MCTP2: variants seen among roughly 807,000 people sequenced by gnomAD.
The protein encoded by MCTP2 is multiple C2 and transmembrane domain containing 2.
Under a neutral mutation model 111.6 loss-of-function variants are expected in MCTP2, and 132 were observed. That is an observed-to-expected ratio of 1.18 (90% CI 1.03 to 1.37). The LOEUF (loss-of-function observed/expected upper bound fraction) is 1.37, where lower values mean the gene tolerates loss of function less well. Ranked by LOEUF, MCTP2 falls within the 40% of genes most tolerant of loss-of-function variation. The probability of loss-of-function intolerance (pLI) is 0.00; values close to 1 mark genes in which losing one functional copy is unlikely to be tolerated. For missense variants in MCTP2, 1,183 were observed against 1,067.9 expected (o/e 1.11, Z -1.50); for synonymous variants, 395 against 387.7 (o/e 1.02, Z -0.22).
intron 1 of MCTP2, among the ~76,000 whole-genome samples, chr15:94,293,149 A>C (rs528719309): frequency 1.8e-4 from 27 of 152,276 alleles, no homozygotes; most frequent in Admixed American, 1.4e-3. Flanking sequence ...GGGATTAGAC[A>C]AGGAGTTCTT....
At position 94,410,371 on chromosome 15, in the gene MCTP2, C is replaced by T. The variant is rs116828819; in HGVS notation, c.2085+8352C>T. Among the ~76,000 whole-genome samples the T allele has an allele frequency of 4.0e-3, 603 of 152,128 alleles. 2 individuals are homozygous for T. The highest frequency in any genetic ancestry group is 0.013 in the African/African-American group (521 of 41,486). The stretch of plus-strand genomic sequence containing the variant: ...GGCTACTTAATGTCTATTTAACCAC[C>T]AGATGCCAAGCAGAGTTCTCCCTCA... On this transcript the variant is annotated intron_variant, in intron 17 of 22. Coordinates refer to ENST00000357742, the MANE Select transcript of MCTP2 (RefSeq NM_001385001.1).
At chr15:94,367,563 A>G in intron 10 of MCTP2, 42 bp from the exon 11 acceptor site, 1 of 1,537,398 alleles carries the variant, frequency 6.5e-7, no homozygotes, top group Non-Finnish European at 8.9e-7. Context: ...GTGGCCTTGA[A>G]TTAATCACTT....
At chr15:94,350,471 GAGGC>G (rs1011244208) in intron 8 of MCTP2, among the ~76,000 whole-genome samples, 3 of 152,326 alleles carry the variant, frequency 2.0e-5, no homozygotes, top group African/African-American at 7.2e-5. Flanking sequence ...TTGGGAGGCT[GAGGC>G]AGGAGAATTG....
chr15:94,245,578 G>A (rs1041985066), intron 1 of MCTP2, among the ~76,000 whole-genome samples: 7 of 139,208 alleles, frequency 5.0e-5, no homozygotes, highest in South Asian at 2.2e-4. Context: ...GTATATATAC[G>A]TATATGTACA....
At chr15:94,365,597 A>T (rs1039483500) in intron 10 of MCTP2, among the ~76,000 whole-genome samples, 10 of 152,218 alleles carry the variant, frequency 6.6e-5, no homozygotes, top group African/African-American at 2.4e-4. Flanking sequence ...TTATGGTAAT[A>T]CTGCTCACAG....
chr15:94,474,753 G>T (rs1038411754), intron 21 of MCTP2, among the ~76,000 whole-genome samples: 2 of 152,200 alleles, frequency 1.3e-5, no homozygotes, highest in Non-Finnish European at 2.9e-5. Context: ...GTCTCACAGA[G>T]TTGTGAATAG....
rs142647003 is a variant in MCTP2 at position 94,457,537 on chromosome 15, C to G, written c.2251-600C>G. Among the ~76,000 whole-genome samples the G allele has an allele frequency of 3.1e-3, 473 of 152,222 alleles. 3 individuals are homozygous for G. Among genetic ancestry groups the G allele is most frequent in the African/African-American group, 0.011 (445 of 41,518 alleles). On this transcript the variant is annotated intron_variant, in intron 19 of 22. Transcript: ENST00000357742. Reference sequence around the variant, plus strand: ...GAAGGGAATAATCTGGGTAGGCTGCCCTCCCAGCAGTGCACTGTGGGGTTA... The same window carrying G: ...GAAGGGAATAATCTGGGTAGGCTGCGCTCCCAGCAGTGCACTGTGGGGTTA...
intron 14 of MCTP2, among the ~76,000 whole-genome samples, chr15:94,393,464 A>C (rs2081105841): frequency 6.6e-6 from 1 of 152,232 alleles, no homozygotes; most frequent in Admixed American, 6.5e-5. Context: ...AGCAAACACA[A>C]CAATTTCAAG....
At chr15:94,377,895 CA>C (rs2079865318) in intron 12 of MCTP2, among the ~76,000 whole-genome samples, 1 of 152,034 alleles carries the variant, frequency 6.6e-6, no homozygotes, top group South Asian at 2.1e-4. Context: ...GAGGAAACAG[CA>C]ATGTTCCAGG....
intron 17 of MCTP2, among the ~76,000 whole-genome samples, chr15:94,414,839 T>C (rs1386795422): frequency 6.6e-6 from 1 of 152,194 alleles, no homozygotes. Context: ...ATGTTGCTAA[T>C]ACACTTTTTT....
rs2074756955 is a variant in MCTP2, at chr15:94,482,100, C to A, written c.*3066C>A. 2 of 152,086 alleles carry A rather than the reference C, an allele frequency of 1.3e-5. No individual in the cohort carries two copies. The highest frequency in any genetic ancestry group is 4.8e-5 in the African/African-American group (2 of 41,410). The allele number at this position is 152,086 out of a possible 1,614,324, so 9.4% of individuals were successfully genotyped here. ...TCTTTTTTCTTTACTTGTAAATTAT[C>A]ATTTAACAAGTCTATATTGAATGCC... On this transcript the variant is annotated 3_prime_UTR_variant, in exon 23 of 23. Transcript: ENST00000357742.
intron 1 of MCTP2, among the ~76,000 whole-genome samples, chr15:94,246,126 G>C (rs1430282410): frequency 6.6e-6 from 1 of 152,058 alleles, no homozygotes; most frequent in African/African-American, 2.4e-5. Flanking sequence ...ACATTGTGTA[G>C]CCTCTTGGAA....
chr15:94,363,878 T>C (rs1279885708), intron 10 of MCTP2, among the ~76,000 whole-genome samples: 1 of 152,170 alleles, frequency 6.6e-6, no homozygotes, highest in Non-Finnish European at 1.5e-5. Context: ...ACAGACCTAA[T>C]TGGTTCATGC....
At chr15:94,318,574 A>G (rs911019285) in intron 4 of MCTP2, among the ~76,000 whole-genome samples, 2 of 152,112 alleles carry the variant, frequency 1.3e-5, no homozygotes, top group African/African-American at 4.8e-5. Flanking sequence ...CGCCCGGCCA[A>G]TAGTTTTTAA....
At chr15:94,431,952 A>G (rs77055357) in intron 17 of MCTP2, among the ~76,000 whole-genome samples, 16,576 of 152,030 alleles carry the variant, frequency 0.11, 1,118 homozygotes, top group African/African-American at 0.19. Flanking sequence ...GCCCTTTCTT[A>G]TTTTCTTGTC....
chr15:94,346,575 A>G (rs569673412), intron 8 of MCTP2, among the ~76,000 whole-genome samples: 10 of 152,280 alleles, frequency 6.6e-5, no homozygotes, highest in African/African-American at 2.4e-4. Context: ...ACAAAGCAGT[A>G]TTTTCTCGTT....
intron 1 of MCTP2, among the ~76,000 whole-genome samples, chr15:94,266,557 C>G (rs775283008): frequency 6.6e-6 from 1 of 152,108 alleles, no homozygotes; most frequent in Non-Finnish European, 1.5e-5. Flanking sequence ...AATAAATACA[C>G]GCTGAAGTTC....
chr15:94,367,624 G>A lies in MCTP2; in HGVS notation c.1321G>A (p.Ala441Thr). 6.2e-7 allele frequency: 1 copy of A among 1,610,812 alleles called. No homozygotes were observed. Among genetic ancestry groups the A allele is most frequent in the Non-Finnish European group, 8.5e-7 (1 of 1,178,484 alleles). ...RLGTCKVDIS[A>T]LPLKQANCLE... is the part of the protein sequence containing the mutation. Reference sequence around the variant, plus strand: ...TTCTAGGTGTAAAGTGGATATCTCGGCACTCCCTCTGAAGCAAGCCAACTG... The same window carrying A: ...TTCTAGGTGTAAAGTGGATATCTCGACACTCCCTCTGAAGCAAGCCAACTG... The change falls in exon 11 of 23, where the codon GCA (alanine) becomes ACA (threonine). Residue 441 changes from alanine to threonine, a missense_variant. By Grantham distance (58) the Ala-to-Thr change is moderately conservative. Transcript: ENST00000357742.
At chr15:94,263,174 C>T (rs895599953) in intron 1 of MCTP2, among the ~76,000 whole-genome samples, 1 of 152,112 alleles carries the variant, frequency 6.6e-6, no homozygotes, top group Non-Finnish European at 1.5e-5. Flanking sequence ...ACTTTGTGTC[C>T]ATAAACCTGT....
Sources: allele counts gnomAD v4.1 joint callset (sites outside exome capture counted in the v4.1 genomes callset), GRCh38; gene constraint gnomAD v4.1.1; transcripts MANE v1.5; gene names NCBI Gene and HGNC (gene_info 2026-07-23, HGNC 2026-07-21).